Variants in LDB2 observed in about 807,000 individuals in gnomAD.
LDB2 encodes the protein LIM domain binding 2.
Under a neutral mutation model 44.3 loss-of-function variants are expected in LDB2, and 12 were observed. That is an observed-to-expected ratio of 0.27 (90% CI 0.17 to 0.44). LDB2 has a LOEUF of 0.44. Ranked by LOEUF, LDB2 falls within the 20% of genes least tolerant of loss-of-function variation. LDB2 has a pLI of 1.00. For missense variants in LDB2, 344 were observed against 473.5 expected (o/e 0.73, Z 2.54); for synonymous variants, 164 against 174.8 (o/e 0.94, Z 0.49).
intron 1 of LDB2, among the ~76,000 whole-genome samples, chr4:16,763,282 C>T (rs545784637): frequency 4.3e-4 from 66 of 152,268 alleles, no homozygotes; most frequent in African/African-American, 1.5e-3. Context: ...CTTATCGTGG[C>T]ATCACAAACT....
At chr4:16,801,114 A>C (rs576723740) in intron 1 of LDB2, among the ~76,000 whole-genome samples, 41 of 152,268 alleles carry the variant, frequency 2.7e-4, no homozygotes, top group African/African-American at 8.2e-4. Flanking sequence ...GTGCTGTTTT[A>C]CCACCAGGTC....
intron 5 of LDB2, among the ~76,000 whole-genome samples, chr4:16,527,705 G>C (rs115324764): frequency 0.014 from 2,085 of 152,140 alleles, 56 homozygotes; most frequent in African/African-American, 0.048. Context: ...AAGAACTGTG[G>C]TATATAGTCA....
At chr4:16,623,557 A>T (rs895372159) in intron 2 of LDB2, among the ~76,000 whole-genome samples, 4 of 152,170 alleles carry the variant, frequency 2.6e-5, no homozygotes, top group African/African-American at 7.2e-5. Flanking sequence ...AGATCATGCC[A>T]CTGCACTGTA....
At chr4:16,706,145 T>C (rs1754557023) in intron 2 of LDB2, among the ~76,000 whole-genome samples, 1 of 152,202 alleles carries the variant, frequency 6.6e-6, no homozygotes, top group South Asian at 2.1e-4. Context: ...TTGATGGCAT[T>C]TCGTGCTAAG....
intron 2 of LDB2, among the ~76,000 whole-genome samples, chr4:16,730,936 C>T (rs1428848462): frequency 6.6e-6 from 1 of 152,164 alleles, no homozygotes; most frequent in Non-Finnish European, 1.5e-5. Flanking sequence ...AATATTGCTA[C>T]TTAGAGTTCA....
chr4:16,898,534 A>C lies in LDB2; in HGVS notation c.-49T>G. On this transcript the variant is annotated 5_prime_UTR_variant, in exon 1 of 8. An upstream start codon of the reference 5' UTR is lost. Coordinates refer to ENST00000304523, the MANE Select transcript of LDB2 (RefSeq NM_001290.5). ...GCTAAACAGAGTATCAGTAACGTCC[A>C]TGCAGAGCACATGGGCTGTGTTCTT... is the stretch of plus-strand genomic sequence containing the variant. 6.2e-7 allele frequency: 1 copy of C among 1,604,568 alleles called. No individual in the cohort carries two copies. Among genetic ancestry groups the C allele is most frequent in the African/African-American group, 1.3e-5 (1 of 74,680 alleles).
chr4:16,538,838 T>C (rs566766771), intron 5 of LDB2, among the ~76,000 whole-genome samples: 25 of 152,288 alleles, frequency 1.6e-4, no homozygotes, highest in African/African-American at 5.8e-4. Context: ...AATTTAATCA[T>C]CATGACAACC....
chr4:16,749,355 C>T (rs764582935), intron 2 of LDB2, among the ~76,000 whole-genome samples: 54 of 151,390 alleles, frequency 3.6e-4, no homozygotes, highest in Non-Finnish European at 7.1e-4. Context: ...GTCAGGAGTT[C>T]GAGACCAGTC....
At chr4:16,665,409 G>A (rs1012185842) in intron 2 of LDB2, among the ~76,000 whole-genome samples, 1 of 151,888 alleles carries the variant, frequency 6.6e-6, no homozygotes, top group Non-Finnish European at 1.5e-5. Flanking sequence ...GGGACTACAG[G>A]TGTGTCCCAC....
chr4:16,578,968 A>G (rs1426245070), intron 5 of LDB2, among the ~76,000 whole-genome samples: 1 of 152,214 alleles, frequency 6.6e-6, no homozygotes, highest in East Asian at 1.9e-4. Context: ...GCATGTTCTC[A>G]TTTATCTGTG....
chr4:16,659,988 G>C lies in LDB2; in HGVS notation c.236-64113C>G, dbSNP rs574994754. Among the ~76,000 whole-genome samples the C allele has an allele frequency of 7.2e-5, 11 of 152,300 alleles. No individual in the cohort carries two copies. The South Asian group carries it at 1.9e-3, about 26-fold the overall frequency. On this transcript the variant is annotated intron_variant, in intron 2 of 7. Transcript: ENST00000304523. ...ATACAAAATCTTTAGACCAGTGGAT[G>C]TCAGCAAGAGACTATTTTGCTCCGC... is the stretch of plus-strand genomic sequence containing the variant.
At chr4:16,854,917 G>T (rs1274563131) in intron 1 of LDB2, among the ~76,000 whole-genome samples, 1 of 151,650 alleles carries the variant, frequency 6.6e-6, no homozygotes, top group Non-Finnish European at 1.5e-5. Context: ...GCAAGATTCA[G>T]AAAAAGGGTA....
At chr4:16,607,953 C>CA (rs988520181) in intron 2 of LDB2, among the ~76,000 whole-genome samples, 2 of 151,544 alleles carry the variant, frequency 1.3e-5, no homozygotes, top group African/African-American at 4.8e-5. Flanking sequence ...ATCAAGACCA[C>CA]AAAAAAGGGG....
chr4:16,897,941 C>CATATAT (rs1344219101), intron 1 of LDB2, among the ~76,000 whole-genome samples: 2 of 10,504 alleles, frequency 1.9e-4, no homozygotes, highest in Non-Finnish European at 3.2e-4. Context: ...TATATATACA[C>CATATAT]ATATGTATAT....
chr4:16,569,997 T>C (rs1745838092), intron 5 of LDB2, among the ~76,000 whole-genome samples: 1 of 152,178 alleles, frequency 6.6e-6, no homozygotes, highest in South Asian at 2.1e-4. Flanking sequence ...TTAACAGCCT[T>C]CGCAGAAGTG....
chr4:16,886,707 T>C (rs1343801032), intron 1 of LDB2, among the ~76,000 whole-genome samples: 1 of 152,002 alleles, frequency 6.6e-6, no homozygotes, highest in Middle Eastern at 3.2e-3. Context: ...TAGTGATGTG[T>C]TTTTCAACAT....
chr4:16,594,040 TGGAAGCA>T (rs1720018847), intron 3 of LDB2, among the ~76,000 whole-genome samples: 1 of 152,158 alleles, frequency 6.6e-6, no homozygotes, highest in Non-Finnish European at 1.5e-5. Flanking sequence ...CTACTGGCTT[TGGAAGCA>T]GCTCCTTAAT....
rs142524929 is a variant in LDB2 at position 16,727,651 on chromosome 4, G to A, written c.235+31507C>T. On this transcript the variant is annotated intron_variant, in intron 2 of 7. Coordinates refer to ENST00000304523, the MANE Select transcript of LDB2 (RefSeq NM_001290.5). ...CTTTATAGCTACTTCTGAAATATTCGTTTTGCCTTATCAATAGCCAGTGTT... is the reference window on the plus strand; with the variant it reads ...CTTTATAGCTACTTCTGAAATATTCATTTTGCCTTATCAATAGCCAGTGTT... Among the ~76,000 whole-genome samples the A allele has an allele frequency of 5.8e-4, 88 of 152,206 alleles. 1 individual carries two copies. In the East Asian group the frequency reaches 9.8e-3, roughly 17 times the overall value.
chr4:16,870,502 C>G (rs1317987902), intron 1 of LDB2, among the ~76,000 whole-genome samples: 2 of 152,190 alleles, frequency 1.3e-5, no homozygotes, highest in South Asian at 2.1e-4. Context: ...CGGTCACCCC[C>G]ACTCCCCTTA....
Sources: allele counts gnomAD v4.1 joint callset (sites outside exome capture counted in the v4.1 genomes callset), GRCh38; gene constraint gnomAD v4.1.1; transcripts MANE v1.5; gene names NCBI Gene and HGNC (gene_info 2026-07-23, HGNC 2026-07-21).